Variants in FAT4 observed in about 807,000 individuals in gnomAD.
The protein encoded by FAT4 is FAT atypical cadherin 4.
A neutral mutation model predicts 303.9 loss-of-function variants in FAT4; 84 were observed. That is an observed-to-expected ratio of 0.28 (90% CI 0.23 to 0.33). FAT4 has a LOEUF of 0.33. Among genes scored for constraint, FAT4 ranks in the 10% least tolerant of loss-of-function variants. The probability of loss-of-function intolerance (pLI) is 1.00; values close to 1 mark genes in which losing one functional copy is unlikely to be tolerated. For synonymous variants in FAT4, 2,307 were observed against 2,298.8 expected (o/e 1.00, Z -0.10); for missense variants, 6,005 against 6,146.8 (o/e 0.98, Z 0.77).
intron 12 of FAT4, among the ~76,000 whole-genome samples, chr4:125,473,921 C>T (rs1029059929): frequency 1.1e-4 from 17 of 151,914 alleles, no homozygotes; most frequent in Non-Finnish European, 5.9e-5. Flanking sequence ...AAATAAGGCC[C>T]CTACTGGATT....
At chr4:125,476,121 A>T in intron 12 of FAT4, 50 bp from the exon 13 acceptor site, 1 of 1,192,140 alleles carries the variant, frequency 8.4e-7, no homozygotes, top group Non-Finnish European at 1.2e-6. Context: ...GGAAAGGCTA[A>T]TAGGGACGGT....
rs1246562317 is a variant in FAT4 at position 125,408,527 on chromosome 4, G to A, written c.5653G>A (p.Glu1885Lys). 6.2e-7 allele frequency: 1 copy of A among 1,613,096 alleles called. No individual in the cohort carries two copies. Among genetic ancestry groups the A allele is most frequent in the Admixed American group, 1.7e-5 (1 of 59,972 alleles). The change falls in exon 5 of 18, where the codon GAA (glutamate) becomes AAA (lysine). Residue 1885 changes from glutamate to lysine, a missense_variant. By Grantham distance (56) the Glu-to-Lys change is moderately conservative. Transcript: ENST00000394329. The stretch of plus-strand genomic sequence containing the variant: ...TACATATATTGTGAATGAAGATGAT[G>A]AAGATGGCATCTTTTTCCTGAATCC... The part of the protein sequence containing the change: ...EITYIVNEDD[E>K]DGIFFLNPIT...
chr4:125,434,713 G>C (rs1339248777), intron 8 of FAT4, among the ~76,000 whole-genome samples: 23 of 152,142 alleles, frequency 1.5e-4, no homozygotes, highest in Admixed American at 1.5e-3. Flanking sequence ...GAGGTTGACT[G>C]GTGGCACTTC....
intron 11 of FAT4, among the ~76,000 whole-genome samples, chr4:125,463,871 G>A (rs764147262): frequency 6.6e-6 from 1 of 152,064 alleles, no homozygotes; most frequent in Non-Finnish European, 1.5e-5. Context: ...ACTAGAAAAA[G>A]AGTCAACTCA....
At chr4:125,386,196 C>T (rs1444607123) in intron 2 of FAT4, among the ~76,000 whole-genome samples, 2 of 152,044 alleles carry the variant, frequency 1.3e-5, no homozygotes, top group Non-Finnish European at 2.9e-5. Context: ...CCTTCTGTAC[C>T]CTAGGCGTTA....
In FAT4 at chr4:125,318,622, G is replaced by A; in HGVS notation, c.2211G>A (p.Gln737=). The change falls in exon 2 of 18, where the codon CAG becomes CAA. Residue 737 remains glutamine (Q), a synonymous_variant. Transcript: ENST00000394329. ...SISAGDRSRF[Q]VNAQSGVIST... Reference sequence around the variant, plus strand: ...CTGCTGGGGACAGGTCTCGGTTTCAGGTCAATGCTCAGAGTGGGGTTATTT... The same window carrying A: ...CTGCTGGGGACAGGTCTCGGTTTCAAGTCAATGCTCAGAGTGGGGTTATTT... 2 of 1,614,122 alleles carry A rather than the reference G, an allele frequency of 1.2e-6. No homozygotes were observed. The highest frequency in any genetic ancestry group is 1.7e-6 in the Non-Finnish European group (2 of 1,180,026).
Position 125,490,263 on chromosome 4 carries a change from G to C in FAT4, c.13447G>C (p.Ala4483Pro). 1 of 1,614,124 alleles carries C rather than the reference G, an allele frequency of 6.2e-7. No homozygotes were observed. Among genetic ancestry groups the C allele is most frequent in the Non-Finnish European group, 8.5e-7 (1 of 1,180,032 alleles). Residue 4483 changes from alanine (A) to proline (P), a missense_variant, in exon 18 of 18, where the codon GCT (alanine) becomes CCT (proline). Physicochemically the swap from Ala to Pro is conservative, Grantham distance 27 (BLOSUM62 -1). Coordinates refer to ENST00000394329, the MANE Select transcript of FAT4 (RefSeq NM_001291303.3). The part of the protein sequence containing the change: ...VLCPQGKVCK[A>P]GSPAGHVCVL... ...CTGTCCTCAGGGGAAGGTGTGCAAA[G>C]CTGGAAGTCCTGCGGGGCATGTCTG...
intron 2 of FAT4, among the ~76,000 whole-genome samples, chr4:125,385,017 TATA>T (rs1347019312): frequency 0.017 from 1,145 of 65,832 alleles, 8 homozygotes; most frequent in African/African-American, 0.031. Flanking sequence ...TATATATATA[TATA>T]TATATTTTTT....
Position 125,318,727 on chromosome 4 carries a change from A to C in FAT4, c.2316A>C (p.Gln772His), listed in dbSNP as rs187427286. 58 of 1,613,816 alleles carry C rather than the reference A, an allele frequency of 3.6e-5. No individual in the cohort carries two copies. The highest frequency in any genetic ancestry group is 7.6e-6 in the Non-Finnish European group (9 of 1,179,902). The change falls in exon 2 of 18, where the codon CAA becomes CAC. Residue 772 changes from glutamine to histidine, a missense_variant. Coordinates refer to ENST00000394329, the MANE Select transcript of FAT4 (RefSeq NM_001291303.3). Reference protein sequence around the residue: ...QIVATDGGNLQSPNQAIVTIT... With the variant: ...QIVATDGGNLHSPNQAIVTIT... Reference sequence around the variant, plus strand: ...TAGCTACTGATGGTGGCAATTTACAATCTCCCAACCAGGCAATAGTAACCA... The same window carrying C: ...TAGCTACTGATGGTGGCAATTTACACTCTCCCAACCAGGCAATAGTAACCA...
rs779316214 is a variant in FAT4, at chr4:125,448,978, A to G, written c.7968A>G (p.Lys2656=). ...GGFPPFSSYE[K]LDITVLDVND... ...TCCCTCCTTTCTCCTCTTACGAGAAACTTGATATAACAGTATTAGATGTCA... is the reference window on the plus strand; with the variant it reads ...TCCCTCCTTTCTCCTCTTACGAGAAGCTTGATATAACAGTATTAGATGTCA... The change falls in exon 10 of 18, where the codon AAA becomes AAG. Residue 2656 remains lysine, a synonymous_variant. Transcript: ENST00000394329. 6.2e-6 allele frequency: 10 copies of G among 1,613,796 alleles called. No individual in the cohort carries two copies. Among genetic ancestry groups the G allele is most frequent in the Non-Finnish European group, 2.5e-6 (3 of 1,179,902 alleles).
intron 2 of FAT4, among the ~76,000 whole-genome samples, chr4:125,370,867 C>G (rs1384351715): frequency 6.6e-6 from 1 of 151,932 alleles, no homozygotes; most frequent in African/African-American, 2.4e-5. Context: ...AATGTTAGGC[C>G]AGCCTGGGTG....
chr4:125,353,717 T>C (rs1732320272), intron 2 of FAT4, among the ~76,000 whole-genome samples: 1 of 151,684 alleles, frequency 6.6e-6, no homozygotes, highest in African/African-American at 2.4e-5. Context: ...GTTTCTATAA[T>C]ATGACTTATA....
At position 125,446,503 on chromosome 4, in the gene FAT4, T is replaced by C. The variant is rs112893349; in HGVS notation, c.7410T>C (p.His2470=). The change falls in exon 9 of 18, where the codon CAT becomes CAC. Residue 2470 remains histidine (H), a synonymous_variant. Coordinates refer to ENST00000394329, the MANE Select transcript of FAT4 (RefSeq NM_001291303.3). ...ATGACAATCCACCAAGATTTCAGCA[T>C]CACCCATATGTCACTCACATCCCAT... ...DVNDNPPRFQ[H]HPYVTHIPSP... 1.9e-6 allele frequency: 3 copies of C among 1,613,366 alleles called. No individual in the cohort carries two copies. The highest frequency in any genetic ancestry group is 1.7e-6 in the Non-Finnish European group (2 of 1,179,526).
At chr4:125,484,649 C>G (rs1468161829) in intron 16 of FAT4, among the ~76,000 whole-genome samples, 1 of 152,070 alleles carries the variant, frequency 6.6e-6, no homozygotes, top group Non-Finnish European at 1.5e-5. Context: ...ATAGAGTGAA[C>G]TTGCTCAAAC....
chr4:125,424,372 C>T (rs976648403), intron 7 of FAT4, among the ~76,000 whole-genome samples: 1 of 152,070 alleles, frequency 6.6e-6, no homozygotes. Flanking sequence ...CTGCACATCT[C>T]ATTTTTCTCT....
In FAT4 at chr4:125,487,465, G is replaced by A. The variant is rs142123629; in HGVS notation, c.12943G>A (p.Gly4315Arg). The change falls in exon 17 of 18, where the codon GGA becomes AGA. Residue 4315 changes from glycine (G) to arginine (R), a missense_variant. Gly to Arg is a moderately radical substitution (Grantham distance 125). Coordinates refer to ENST00000394329, the MANE Select transcript of FAT4 (RefSeq NM_001291303.3). ...HWHTFLIGKN[G>R]TATVLSVDRI... Reference sequence around the variant, plus strand: ...GCACACTTTTCTAATTGGGAAAAATGGAACAGCAACAGTATTGTCTGTTGA... The same window carrying A: ...GCACACTTTTCTAATTGGGAAAAATAGAACAGCAACAGTATTGTCTGTTGA... 6.2e-7 allele frequency: 1 copy of A among 1,614,056 alleles called. No individual in the cohort carries two copies.
intron 2 of FAT4, among the ~76,000 whole-genome samples, chr4:125,396,266 A>T (rs571637203): frequency 1.3e-5 from 2 of 152,070 alleles, no homozygotes; most frequent in Non-Finnish European, 2.9e-5. Flanking sequence ...ATATGTATAT[A>T]TGTGTGTGTA....
At chr4:125,425,711 T>C (rs1414437717) in intron 7 of FAT4, among the ~76,000 whole-genome samples, 1 of 152,090 alleles carries the variant, frequency 6.6e-6, no homozygotes, top group African/African-American at 2.4e-5. Flanking sequence ...ATGTTTGCAT[T>C]GAATTTGGGG....
At chr4:125,422,114 G>A (rs1434266119) in intron 7 of FAT4, among the ~76,000 whole-genome samples, 1 of 152,044 alleles carries the variant, frequency 6.6e-6, no homozygotes, top group African/African-American at 2.4e-5. Context: ...AGTGGAATCA[G>A]TAATTTCAAT....
Sources: gnomAD v4.1 joint callset for allele counts (sites outside exome capture counted in the v4.1 genomes callset) on GRCh38, gnomAD v4.1.1 for gene constraint, MANE v1.5 for transcripts, NCBI Gene and HGNC (gene_info 2026-07-23, HGNC 2026-07-21) for gene names.